The following ENPP3 variants were observed in gnomAD, a reference collection of about 807,000 sequenced individuals.
ENPP3 encodes ectonucleotide pyrophosphatase/phosphodiesterase family member 3.
A neutral mutation model predicts 117.8 loss-of-function variants in ENPP3; 104 were observed. The ratio of observed to expected loss-of-function variants is 0.88; its 90% CI spans 0.75 to 1.04. The LOEUF is 1.04. Among genes scored for constraint, ENPP3 ranks in the 50% least tolerant of loss-of-function variants. The pLI, the probability that ENPP3 is intolerant of heterozygous loss-of-function variation, is 0.00. For synonymous variants in ENPP3, 380 were observed against 349.9 expected, an observed-to-expected ratio of 1.09 and a Z score of -0.96; for missense variants, 1,026 against 1,051.9, an observed-to-expected ratio of 0.98 and a Z score of 0.34.
chr6:131,746,597 TGTTA>T lies in ENPP3; in HGVS notation c.2458-184_2458-181del, dbSNP rs915767010. On this transcript the variant is annotated intron_variant, in intron 24 of 24. Transcript: ENST00000357639. ...GATAAATTTTGACAACGGTGTTCTA[TGTTA>T]GTTATAGTATACTTTGTACTTGTGT... 7.0e-4 allele frequency among the ~76,000 whole-genome samples: 106 copies of T among 152,334 alleles called. 1 individual carries two copies. The highest frequency in any genetic ancestry group is 2.4e-3 in the African/African-American group (100 of 41,588).
At chr6:131,665,366 T>G (rs1305708358) in intron 6 of ENPP3, among the ~76,000 whole-genome samples, 1 of 152,152 alleles carries the variant, frequency 6.6e-6, no homozygotes, top group Admixed American at 6.5e-5. Flanking sequence ...AGTGAAGCCA[T>G]CTGGTCCTGG....
At chr6:131,647,546 G>A (rs188595316) in intron 2 of ENPP3, among the ~76,000 whole-genome samples, 95 of 152,080 alleles carry the variant, frequency 6.2e-4, no homozygotes, top group African/African-American at 2.2e-3. Flanking sequence ...ACAAAAGTAG[G>A]AATACTAATT....
At chr6:131,743,955 T>C (rs1475636979) in intron 24 of ENPP3, among the ~76,000 whole-genome samples, 1 of 152,346 alleles carries the variant, frequency 6.6e-6, no homozygotes, top group South Asian at 2.1e-4. Flanking sequence ...CCAGCCAATA[T>C]TTCCAATAGC....
chr6:131,734,875 G>GGCT (rs1294296924), intron 21 of ENPP3, among the ~76,000 whole-genome samples: 1 of 150,588 alleles, frequency 6.6e-6, no homozygotes, highest in Admixed American at 6.6e-5. Context: ...ACTCCAGCCT[G>GGCT]GGTGACAGAG....
chr6:131,674,168 T>C lies in ENPP3; in HGVS notation c.649T>C (p.Tyr217His), dbSNP rs1341060571. 6.5e-7 allele frequency: 1 copy of C among 1,535,608 alleles called. No individual in the cohort carries two copies. Among genetic ancestry groups the C allele is most frequent in the Non-Finnish European group, 9.0e-7 (1 of 1,111,772 alleles). ...TTTGAAATTATCATTTTAGGGCTTG[T>C]ATCCAGAGTCACATGGCATCATTGA... ...PNHYTIVTGL[Y>H]PESHGIIDNN... Residue 217 changes from tyrosine to histidine, a missense_variant, in exon 8 of 25, where the codon TAT becomes CAT. Tyr to His is a moderately conservative substitution (Grantham distance 83). Transcript: ENST00000357639.
rs767986343 is a variant in ENPP3, at chr6:131,746,882, C to T, written c.2554C>T (p.Gln852Ter). ...ACTTCTCACTGGGCTTGACTTCTAT[C>T]AGGATAAAGTGCAGCCTGTCTCTGA... Reference protein sequence around the residue: ...VELLTGLDFYQDKVQPVSEIL... With the variant: ...VELLTGLDFY The change falls in exon 25 of 25, where the codon CAG becomes TAG. Residue 852 changes from glutamine to a stop codon, truncating the protein, a stop_gained. Coordinates refer to ENST00000357639, the MANE Select transcript of ENPP3 (RefSeq NM_005021.5). LOFTEE classifies it high-confidence loss of function. 3.7e-6 allele frequency: 6 copies of T among 1,613,080 alleles called. No individual in the cohort carries two copies. Among genetic ancestry groups the T allele is most frequent in the Non-Finnish European group, 5.1e-6 (6 of 1,179,370 alleles).
At chr6:131,716,235 G>T (rs1344331050) in intron 15 of ENPP3, among the ~76,000 whole-genome samples, 1 of 152,236 alleles carries the variant, frequency 6.6e-6, no homozygotes, top group Non-Finnish European at 1.5e-5. Flanking sequence ...CATTTTCCAA[G>T]TGCCAGCTAT....
At chr6:131,727,033 C>T (rs932701224) in intron 20 of ENPP3, among the ~76,000 whole-genome samples, 1 of 152,136 alleles carries the variant, frequency 6.6e-6, no homozygotes, top group African/African-American at 2.4e-5. Context: ...ACTACATAAA[C>T]ATTAATGTAT....
chr6:131,642,343 C>G (rs1341651407), intron 2 of ENPP3, among the ~76,000 whole-genome samples: 1 of 151,970 alleles, frequency 6.6e-6, no homozygotes, highest in African/African-American at 2.4e-5. Flanking sequence ...ATAATAATAT[C>G]TTCAAAAATT....
At chr6:131,737,016 A>G (rs1780411060) in intron 21 of ENPP3, among the ~76,000 whole-genome samples, 1 of 152,124 alleles carries the variant, frequency 6.6e-6, no homozygotes. Context: ...CCTTCTCCTT[A>G]TTAAGACACT....
intron 20 of ENPP3, among the ~76,000 whole-genome samples, chr6:131,729,831 T>G (rs1457789010): frequency 6.6e-6 from 1 of 152,128 alleles, no homozygotes; most frequent in African/African-American, 2.4e-5. Context: ...ATGTAAGAAA[T>G]AAATCTCAAG....
At chr6:131,644,393 T>C (rs756241225) in intron 2 of ENPP3, among the ~76,000 whole-genome samples, 2 of 152,228 alleles carry the variant, frequency 1.3e-5, no homozygotes, top group Non-Finnish European at 2.9e-5. Flanking sequence ...TCCAATAATC[T>C]GGGTAAGCCT....
At position 131,685,913 on chromosome 6, in the gene ENPP3, T is replaced by C. The variant is rs569101180; in HGVS notation, c.1284+6T>C. 4.6e-6 allele frequency: 4 copies of C among 866,090 alleles called. No homozygotes were observed. The highest frequency in any genetic ancestry group is 3.8e-6 in the Non-Finnish European group (2 of 531,716). 53.7% of individuals were successfully genotyped at this position (866,090 alleles called of 1,614,324 possible). ...AAATTGTTAGAAACCTCAGTGTAAG[T>C]ATACAATACTCTTAATACATATATT... On this transcript the variant is annotated splice_donor_region_variant and intron_variant, in intron 14 of 24. Coordinates refer to ENST00000357639, the MANE Select transcript of ENPP3 (RefSeq NM_005021.5).
intron 15 of ENPP3, chr6:131,710,095 T>C: frequency 1.2e-6 from 2 of 1,613,924 alleles, no homozygotes; most frequent in East Asian, 2.2e-5. Context: ...CGGAGGATCA[T>C]CTAAGTTAGC....
At chr6:131,717,351 G>GTGT (rs1779917504) in intron 15 of ENPP3, among the ~76,000 whole-genome samples, 112 of 89,420 alleles carry the variant, frequency 1.3e-3, no homozygotes, top group South Asian at 1.8e-3. Flanking sequence ...CCCTGCGGGG[G>GTGT]GTGTGTGTGT....
chr6:131,673,736 G>T (rs1369732214), intron 7 of ENPP3, among the ~76,000 whole-genome samples: 1 of 150,916 alleles, frequency 6.6e-6, no homozygotes, highest in Non-Finnish European at 1.5e-5. Flanking sequence ...AAGAAAGAAA[G>T]AAAATATTTG....
intron 6 of ENPP3, among the ~76,000 whole-genome samples, chr6:131,663,033 C>T (rs1360165535): frequency 6.6e-6 from 1 of 152,090 alleles, no homozygotes; most frequent in East Asian, 1.9e-4. Flanking sequence ...TGCAATTTTA[C>T]TGCATTTATT....
At position 131,720,363 on chromosome 6, in the gene ENPP3, C is replaced by A; in HGVS notation, c.1551C>A (p.Val517=). The A allele has an allele frequency of 6.4e-7, 1 of 1,565,256 alleles. No homozygotes were observed. The highest frequency in any genetic ancestry group is 8.7e-7 in the Non-Finnish European group (1 of 1,144,254). ...TEVEPFENIE[V]YNLMCDLLRI... ...TTGAACCATTTGAAAATATTGAAGTCTATAACCTAATGTGTGGTAAGTATA... is the reference window on the plus strand; with the variant it reads ...TTGAACCATTTGAAAATATTGAAGTATATAACCTAATGTGTGGTAAGTATA... The change falls in exon 17 of 25, where the codon GTC becomes GTA. Residue 517 remains valine, a synonymous_variant. Transcript: ENST00000357639.
chr6:131,660,588 AG>A (rs1315056952), intron 6 of ENPP3, among the ~76,000 whole-genome samples: 1 of 152,208 alleles, frequency 6.6e-6, no homozygotes, highest in Non-Finnish European at 1.5e-5. Context: ...TAAGACTAGA[AG>A]TAGCAGGTAG....
Sources: allele counts gnomAD v4.1 joint callset (sites outside exome capture counted in the v4.1 genomes callset), GRCh38; gene constraint gnomAD v4.1.1; transcripts MANE v1.5; gene names NCBI Gene and HGNC (gene_info 2026-07-23, HGNC 2026-07-21).